The following SYNM variants were observed in gnomAD, a reference collection of about 807,000 sequenced individuals.
The protein encoded by SYNM is desmuslin.
Under a neutral mutation model 104.0 loss-of-function variants are expected in SYNM, and 95 were observed. That is an observed-to-expected ratio of 0.91 (90% CI 0.77 to 1.08). The LOEUF (loss-of-function observed/expected upper bound fraction) is 1.08, where lower values mean the gene tolerates loss of function less well. SYNM is among the 50% of genes least tolerant of loss of function. The pLI is 0.00. For synonymous variants in SYNM, 918 were observed against 869.0 expected, an observed-to-expected ratio of 1.06 and a Z score of -0.99; for missense variants, 2,150 against 2,052.2, an observed-to-expected ratio of 1.05 and a Z score of -0.92.
downstream of SYNM, among the ~76,000 whole-genome samples, chr15:99,136,051 GA>G (rs1173623878): frequency 2.0e-5 from 3 of 152,188 alleles, no homozygotes; most frequent in Non-Finnish European, 4.4e-5. Context: ...TTAGGGGCTT[GA>G]AAAAACTGAG....
At position 99,133,337 on chromosome 15, in the gene SYNM, C is replaced by G. The variant is rs942066991; in HGVS notation, c.*279C>G. 2.5e-5 allele frequency: 11 copies of G among 438,940 alleles called. No homozygotes were observed. The highest frequency in any genetic ancestry group is 3.5e-5 in the Non-Finnish European group (9 of 253,598). 27.2% of individuals were successfully genotyped at this position (438,940 alleles called of 1,614,324 possible). ...TCTCTCCACTTCTGGAGATGAATTT[C>G]TATGTTTTGCACCTGGTCACAGACA... On this transcript the variant is annotated 3_prime_UTR_variant, in exon 4 of 4. Transcript: ENST00000336292.
intron 1 of SYNM, among the ~76,000 whole-genome samples, chr15:99,106,985 TC>T (rs2067251548): frequency 1.3e-5 from 2 of 152,246 alleles, no homozygotes; most frequent in South Asian, 4.1e-4. Context: ...ATGGGGGTTG[TC>T]ATATGGAATG....
intron 2 of SYNM, among the ~76,000 whole-genome samples, chr15:99,115,145 C>T (rs1555483780): frequency 6.6e-6 from 1 of 152,124 alleles, no homozygotes; most frequent in Non-Finnish European, 1.5e-5. Flanking sequence ...CCCACCAAGC[C>T]GTGTAAAAAG....
intron 2 of SYNM, among the ~76,000 whole-genome samples, chr15:99,117,354 C>T (rs957235406): frequency 8.5e-5 from 13 of 152,168 alleles, no homozygotes; most frequent in African/African-American, 2.7e-4. Flanking sequence ...CCTCTGAGCC[C>T]ATCACTGGCC....
intron 1 of SYNM, among the ~76,000 whole-genome samples, chr15:99,107,280 G>T (rs977622435): frequency 2.6e-5 from 4 of 152,220 alleles, no homozygotes; most frequent in African/African-American, 7.2e-5. Context: ...GTGAGCACTT[G>T]TGTCCCTTTG....
In SYNM at chr15:99,130,170, G is replaced by T. The variant is rs1555485543; in HGVS notation, c.1810G>T (p.Gly604Cys). 1 of 1,613,912 alleles carries T rather than the reference G, an allele frequency of 6.2e-7. No individual in the cohort carries two copies. Among genetic ancestry groups the T allele is most frequent in the Admixed American group, 1.7e-5 (1 of 60,020 alleles). Reference sequence around the variant, plus strand: ...TTTGCAGACGCCTGTGAAGGATGCTGGTGGTGGGACCGGTAGAGAGGCAGA... The same window carrying T: ...TTTGCAGACGCCTGTGAAGGATGCTTGTGGTGGGACCGGTAGAGAGGCAGA... The part of the protein sequence containing the change: ...KGLQTPVKDA[G>C]GGTGREAEAR... The change falls in exon 4 of 4, where the codon GGT becomes TGT. Residue 604 changes from glycine to cysteine, a missense_variant. By Grantham distance (159) the Gly-to-Cys change is radical. Coordinates refer to ENST00000336292, the MANE Select transcript of SYNM (RefSeq NM_145728.3).
At chr15:99,119,313 A>G (rs896700) in intron 2 of SYNM, among the ~76,000 whole-genome samples, 75,822 of 152,048 alleles carry the variant, frequency 0.5, 19,248 homozygotes, top group Middle Eastern at 0.58. Context: ...ATTGTGAGGC[A>G]TTGCAAGTTT....
rs371952715 is a variant in SYNM, at chr15:99,130,123, G to A, written c.1763G>A (p.Arg588Lys). 3 of 1,613,946 alleles carry A rather than the reference G, an allele frequency of 1.9e-6. No individual in the cohort carries two copies. The highest frequency in any genetic ancestry group is 2.5e-6 in the Non-Finnish European group (3 of 1,179,894). ...AGTCTAGAAGTATCCCAGGACAGAA[G>A]AGCAGAGGTGTCCCCGAAAGGTTTG... is the stretch of plus-strand genomic sequence containing the variant. Reference protein sequence around the residue: ...PISLEVSQDRRAEVSPKGLQT... With the variant: ...PISLEVSQDRKAEVSPKGLQT... Residue 588 changes from arginine (R) to lysine (K), a missense_variant, in exon 4 of 4, where the codon AGA becomes AAA. Arg to Lys is a conservative substitution (Grantham distance 26, BLOSUM62 2). Coordinates refer to ENST00000336292, the MANE Select transcript of SYNM (RefSeq NM_145728.3).
At chr15:99,141,114 T>C in the SYNM span, 4 of 152,208 alleles carry the variant, frequency 2.6e-5, no homozygotes, top group Non-Finnish European at 5.9e-5. Flanking sequence ...AAGAATTCTT[T>C]TATATATTGA....
rs547514507 is a variant in SYNM, at chr15:99,105,457, C to T, written c.258C>T (p.Asp86=). The T allele has an allele frequency of 6.5e-4, 914 of 1,403,160 alleles. 13 individuals carry two copies. In the South Asian group the frequency reaches 0.012, roughly 18 times the overall value. The allele number at this position is 1,403,160 out of a possible 1,614,324, so 86.9% of individuals were successfully genotyped here. The change falls in exon 1 of 4, where the codon GAC becomes GAT. Residue 86 remains aspartate (D), a synonymous_variant. Transcript: ENST00000336292. The stretch of plus-strand genomic sequence containing the variant: ...CTGCGCTGGCGGAGGGCGAGCGGGA[C>T]GCTCTGCGGCGCGAGCTGCGGGAGC... The part of the protein sequence containing the change: ...WATALAEGER[D]ALRRELRELQ...
intron 1 of SYNM, 67 bp downstream of exon 1, chr15:99,106,076 C>T: frequency 2.2e-5 from 29 of 1,337,790 alleles, no homozygotes; most frequent in South Asian, 5.6e-5. Flanking sequence ...CTGCCCTTGA[C>T]GGCGTGGGGC....
At chr15:99,125,863 CA>C (rs1239681468) in intron 2 of SYNM, among the ~76,000 whole-genome samples, 1 of 152,246 alleles carries the variant, frequency 6.6e-6, no homozygotes, top group East Asian at 1.9e-4. Context: ...GACTGGCTGA[CA>C]GGCATCCCGG....
Position 99,113,794 on chromosome 15 carries a change from C to T in SYNM, c.935+79C>T, listed in dbSNP as rs782702744. On this transcript the variant is annotated intron_variant, in intron 2 of 3. Coordinates refer to ENST00000336292, the MANE Select transcript of SYNM (RefSeq NM_145728.3). ...ACATGAAGGAAACTGGTCTAGGGAC[C>T]GTAGCCTTTGTGGAGTCACTGTGGC... 3.2e-4 allele frequency: 494 copies of T among 1,554,056 alleles called. 2 individuals carry two copies. The highest frequency in any genetic ancestry group is 4.1e-4 in the Non-Finnish European group (466 of 1,148,146).
At position 99,105,394 on chromosome 15, in the gene SYNM, C is replaced by T. The variant is rs1403118716; in HGVS notation, c.195C>T (p.Arg65=). The T allele has an allele frequency of 3.3e-6, 5 of 1,510,344 alleles. No homozygotes were observed. The highest frequency in any genetic ancestry group is 4.6e-4 in the Middle Eastern group (2 of 4,316). 93.6% of individuals were successfully genotyped at this position (1,510,344 alleles called of 1,614,324 possible). The change falls in exon 1 of 4, where the codon CGC becomes CGT. Residue 65 remains arginine (R), a synonymous_variant. Coordinates refer to ENST00000336292, the MANE Select transcript of SYNM (RefSeq NM_145728.3). The stretch of plus-strand genomic sequence containing the variant: ...AGGCCCGCTGCGCCGAGGAGGCGCG[C>T]AGCTTGCGGCAGCAGCTGGACGAGC... ...EGQARCAEEA[R]SLRQQLDELS...
chr15:99,126,424 A>C (rs2067448076), intron 2 of SYNM, among the ~76,000 whole-genome samples: 1 of 152,214 alleles, frequency 6.6e-6, no homozygotes, highest in Admixed American at 6.5e-5. Flanking sequence ...TTGGCTCGCC[A>C]GTACTGCCGA....
chr15:99,119,873 C>T (rs572719628), intron 2 of SYNM, among the ~76,000 whole-genome samples: 1 of 152,312 alleles, frequency 6.6e-6, no homozygotes, highest in East Asian at 1.9e-4. Flanking sequence ...CATGCGACTA[C>T]ATTTGCTTTA....
rs1029209885 is a variant in SYNM, at chr15:99,131,185, C to T, written c.2825C>T (p.Ser942Phe). 4 of 1,607,458 alleles carry T rather than the reference C, an allele frequency of 2.5e-6. No individual in the cohort carries two copies. The highest frequency in any genetic ancestry group is 1.1e-5 in the South Asian group (1 of 89,674). Residue 942 changes from serine to phenylalanine, a missense_variant, in exon 4 of 4, where the codon TCC becomes TTC. Coordinates refer to ENST00000336292, the MANE Select transcript of SYNM (RefSeq NM_145728.3). This position sits in a 1 kb window ranked among gnomAD's most constrained non-coding sequence, Gnocchi z 4.3. ...CACACCTCCATGAAGGGCATCTCCT[C>T]CAAGGAGCCCCGGCAGCAGCTGGTG... is the stretch of plus-strand genomic sequence containing the variant. ...EFHTSMKGIS[S>F]KEPRQQLVEV...
chr15:99,130,705 G>A lies in SYNM; in HGVS notation c.2345G>A (p.Gly782Glu), dbSNP rs374772861. 3.1e-6 allele frequency: 5 copies of A among 1,613,944 alleles called. No individual in the cohort carries two copies. Among genetic ancestry groups the A allele is most frequent in the Middle Eastern group, 1.6e-4 (1 of 6,062 alleles). ...EVEDVSPGPW[G>E]LVKEEEGYGE... Reference sequence around the variant, plus strand: ...GAAGATGTGTCGCCAGGCCCCTGGGGGTTGGTTAAGGAGGAGGAAGGTTAT... The same window carrying A: ...GAAGATGTGTCGCCAGGCCCCTGGGAGTTGGTTAAGGAGGAGGAAGGTTAT... Residue 782 changes from glycine (G) to glutamate (E), a missense_variant, in exon 4 of 4, where the codon GGG becomes GAG. Physicochemically the swap from Gly to Glu is moderately conservative, Grantham distance 98. Transcript: ENST00000336292.
At chr15:99,123,175 T>A (rs574713536) in intron 2 of SYNM, among the ~76,000 whole-genome samples, 2 of 152,316 alleles carry the variant, frequency 1.3e-5, no homozygotes, top group African/African-American at 4.8e-5. Context: ...TTGAGCGGCC[T>A]GCCAGGGTCA....
Sources: gnomAD v4.1 joint callset for allele counts (sites outside exome capture counted in the v4.1 genomes callset) on GRCh38, gnomAD v4.1.1 for gene constraint, Gnocchi (gnomAD v3.1) non-coding constraint, MANE v1.5 for transcripts, NCBI Gene and HGNC (gene_info 2026-07-23, HGNC 2026-07-21) for gene names.